Variants in DSG1 observed in about 807,000 individuals in gnomAD.
DSG1 encodes desmoglein-1.
DSG1 carries 39 observed loss-of-function variants against 97.5 expected under a neutral mutation model. The ratio of observed to expected loss-of-function variants is 0.40; its 90% CI spans 0.31 to 0.52. The LOEUF (loss-of-function observed/expected upper bound fraction) is 0.52, where lower values mean the gene tolerates loss of function less well. Among genes scored for constraint, DSG1 ranks in the 20% least tolerant of loss-of-function variants. DSG1 has a pLI of 0.53. For missense variants in DSG1, 1,311 were observed against 1,295.4 expected (o/e 1.01, Z -0.18); for synonymous variants, 475 against 443.4 (o/e 1.07, Z -0.90).
chr18:31,326,666 T>G, intron 2 of DSG1, 50 bp downstream of exon 2: 1 of 1,482,902 alleles, frequency 6.7e-7, no homozygotes, highest in Non-Finnish European at 9.4e-7. Context: ...AGAAAATAAT[T>G]TGAGAATAAC....
rs1432493300 is a variant in DSG1, at chr18:31,340,247, A to G, written c.1687+222A>G. On this transcript the variant is annotated intron_variant, in intron 11 of 14. Transcript: ENST00000257192. Reference sequence around the variant, plus strand: ...AAAAATTTATTTGCAGTAAGTCTCAATGTAATGGGAAAGTGCCATAACAAG... The same window carrying G: ...AAAAATTTATTTGCAGTAAGTCTCAGTGTAATGGGAAAGTGCCATAACAAG... Among the ~76,000 whole-genome samples the G allele has an allele frequency of 3.9e-5, 6 of 152,002 alleles. No individual in the cohort carries two copies. The South Asian group carries it at 1.0e-3, about 26-fold the overall frequency.
chr18:31,325,598 T>G (rs1313150502), intron 1 of DSG1, among the ~76,000 whole-genome samples: 3 of 152,006 alleles, frequency 2.0e-5, no homozygotes, highest in Non-Finnish European at 4.4e-5. Context: ...TTGGGCCATT[T>G]ACTTTTCTTT....
intron 14 of DSG1, chr18:31,354,032 T>G: frequency 2.4e-6 from 1 of 425,024 alleles, no homozygotes; most frequent in South Asian, 2.6e-5. Flanking sequence ...TGTATGGTTT[T>G]ATGTCCAAAG....
intron 11 of DSG1, among the ~76,000 whole-genome samples, chr18:31,340,543 G>A (rs1420613434): frequency 1.3e-5 from 2 of 150,166 alleles, no homozygotes; most frequent in Non-Finnish European, 2.9e-5. Flanking sequence ...AGGAGGCGGG[G>A]GTTCAGTCTC....
At chr18:31,338,137 T>C (rs1472778779) in intron 9 of DSG1, among the ~76,000 whole-genome samples, 178 bp from the exon 10 acceptor site, 1 of 152,100 alleles carries the variant, frequency 6.6e-6, no homozygotes, top group Non-Finnish European at 1.5e-5. Flanking sequence ...TAAATCTTGA[T>C]ATATCCCTGA....
intron 9 of DSG1, among the ~76,000 whole-genome samples, chr18:31,337,134 T>C (rs539694855): frequency 6.6e-6 from 1 of 152,250 alleles, no homozygotes; most frequent in Non-Finnish European, 1.5e-5. Flanking sequence ...TTCTACCAAG[T>C]CACAAAAAAA....
At chr18:31,329,760 GTAGGGCTTGTGCC>G in intron 4 of DSG1, 119 bp from the exon 5 acceptor site, 9 of 1,139,134 alleles carry the variant, frequency 7.9e-6, no homozygotes, top group Non-Finnish European at 1.2e-5. Flanking sequence ...GTGACTGTAA[GTAGGGCTTGTGCC>G]TATGTTCTAA....
At position 31,355,205 on chromosome 18, in the gene DSG1, G is replaced by A. The variant is rs2144128724; in HGVS notation, c.3009G>A (p.Leu1003=). ...GCATAAGTGGTGGTGGCATTGGCCT[G>A]AGCAGCTTGGGAGGGACAGCCAGCA... The part of the protein sequence containing the change: ...GAGISGGGIG[L]SSLGGTASIG... The change falls in exon 15 of 15, where the codon CTG becomes CTA. Residue 1003 remains leucine (L), a synonymous_variant. Transcript: ENST00000257192. The A allele has an allele frequency of 6.2e-7, 1 of 1,603,202 alleles. No individual in the cohort carries two copies. Among genetic ancestry groups the A allele is most frequent in the South Asian group, 1.1e-5 (1 of 89,346 alleles).
rs921373018 is a variant in DSG1, at chr18:31,354,158, C to T, written c.2101-139C>T. 1.3e-5 allele frequency: 9 copies of T among 667,424 alleles called. No homozygotes were observed. In the African/African-American group the frequency reaches 1.6e-4, roughly 12 times the overall value. The allele number at this position is 667,424 out of a possible 1,614,324, so 41.3% of individuals were successfully genotyped here. ...AATAATTATAAAATGATTTTTAGAG[C>T]ATCTCTAGTATGTTAAAATCTTGTT... On this transcript the variant is annotated intron_variant, in intron 14 of 14. Transcript: ENST00000257192.
At chr18:31,347,205 G>A (rs1598711870) in intron 14 of DSG1, among the ~76,000 whole-genome samples, 1 of 152,170 alleles carries the variant, frequency 6.6e-6, no homozygotes, top group South Asian at 2.1e-4. Flanking sequence ...AATAGCAATA[G>A]ATAGTAATGA....
At chr18:31,327,466 T>C (rs1450648695) in intron 3 of DSG1, among the ~76,000 whole-genome samples, 1 of 151,858 alleles carries the variant, frequency 6.6e-6, no homozygotes, top group Non-Finnish European at 1.5e-5. Context: ...ACACACACAC[T>C]CAGAAACACC....
At chr18:31,351,690 T>C (rs1314178426) in intron 14 of DSG1, among the ~76,000 whole-genome samples, 1 of 150,868 alleles carries the variant, frequency 6.6e-6, no homozygotes, top group African/African-American at 2.4e-5. Flanking sequence ...TAGTTAGCTC[T>C]TCTTGTTGAA....
chr18:31,322,737 A>T (rs1190944045), intron 1 of DSG1, among the ~76,000 whole-genome samples: 1 of 152,250 alleles, frequency 6.6e-6, no homozygotes, highest in Non-Finnish European at 1.5e-5. Flanking sequence ...CAAAAACGTA[A>T]CAATTATGTT....
chr18:31,343,266 T>A lies in DSG1; in HGVS notation c.1688-184T>A, dbSNP rs559128037. On this transcript the variant is annotated intron_variant, in intron 11 of 14. Transcript: ENST00000257192. ...TAAACTAAAATTGACTGCAGTCTAATATACAGAAGCTCCCATTTACTTTGG... is the reference window on the plus strand; with the variant it reads ...TAAACTAAAATTGACTGCAGTCTAAAATACAGAAGCTCCCATTTACTTTGG... The A allele has an allele frequency of 1.3e-5, 10 of 780,596 alleles. 1 individual carries two copies. The South Asian group carries it at 1.5e-4, about 12-fold the overall frequency. The allele number at this position is 780,596 out of a possible 1,614,324, so 48.4% of individuals were successfully genotyped here. A position where few individuals can be genotyped will look rare whatever the true frequency, so the allele number is the denominator to read the frequency against.
chr18:31,336,986 G>A (rs1456195929), intron 9 of DSG1, among the ~76,000 whole-genome samples: 1 of 152,160 alleles, frequency 6.6e-6, no homozygotes, highest in Non-Finnish European at 1.5e-5. Context: ...AAATCAATTA[G>A]ATTTTATTAG....
rs573062272 is a variant in DSG1, at chr18:31,346,300, C to T, written c.2100+102C>T. 1.9e-5 allele frequency: 18 copies of T among 962,782 alleles called. No homozygotes were observed. In the South Asian group the frequency reaches 2.1e-4, roughly 11 times the overall value. 59.6% of individuals were successfully genotyped at this position (962,782 alleles called of 1,614,324 possible). On this transcript the variant is annotated intron_variant, in intron 14 of 14. Coordinates refer to ENST00000257192, the MANE Select transcript of DSG1 (RefSeq NM_001942.4). ...AGGGGCTTTGGCAGGAGTCTCCTAA[C>T]TAGATTCTCAGCCTTTAGTTTTTGT... is the stretch of plus-strand genomic sequence containing the variant.
rs751317061 is a variant in DSG1, at chr18:31,359,086, C to T, written c.*3740C>T. The stretch of plus-strand genomic sequence containing the variant: ...AGCATTTTAAAATTCTAATATTCAT[C>T]TCTGGTGGTGTTTAACACAAGGTTC... On this transcript the variant is annotated 3_prime_UTR_variant, in exon 15 of 15. Coordinates refer to ENST00000257192, the MANE Select transcript of DSG1 (RefSeq NM_001942.4). Among the ~76,000 whole-genome samples, 106 of 152,214 alleles carry T rather than the reference C, an allele frequency of 7.0e-4. No individual in the cohort carries two copies. The highest frequency in any genetic ancestry group is 6.8e-3 in the Middle Eastern group (2 of 294).
In DSG1 at chr18:31,343,523, C is replaced by T. The variant is rs778031762; in HGVS notation, c.1761C>T (p.Pro587=). 3.7e-6 allele frequency: 6 copies of T among 1,614,068 alleles called. No homozygotes were observed. The highest frequency in any genetic ancestry group is 1.3e-5 in the African/African-American group (1 of 74,992). Residue 587 remains proline, a synonymous_variant, in exon 12 of 15, where the codon CCC becomes CCT. Transcript: ENST00000257192. ...PRSAAGFEPV[P]ECSDGAIHSW... Reference sequence around the variant, plus strand: ...GTGCAGCTGGCTTTGAGCCTGTTCCCGAATGTTCAGATGGAGCAATTCATT... The same window carrying T: ...GTGCAGCTGGCTTTGAGCCTGTTCCTGAATGTTCAGATGGAGCAATTCATT...
chr18:31,333,845 T>C, intron 7 of DSG1, 122 bp downstream of exon 7: 2 of 1,296,888 alleles, frequency 1.5e-6, no homozygotes, highest in South Asian at 1.2e-5. Flanking sequence ...TGTAGACACA[T>C]ACTTTTTTCT....
Sources: allele counts gnomAD v4.1 joint callset (sites outside exome capture counted in the v4.1 genomes callset), GRCh38; gene constraint gnomAD v4.1.1; transcripts MANE v1.5; gene names NCBI Gene and HGNC (gene_info 2026-07-23, HGNC 2026-07-21).